LAPTM4B: variants seen among roughly 807,000 people sequenced by gnomAD.
The protein encoded by LAPTM4B is lysosomal protein transmembrane 4 beta.
Under a neutral mutation model 28.5 loss-of-function variants are expected in LAPTM4B, and 26 were observed. The ratio of observed to expected loss-of-function variants is 0.91; its 90% CI spans 0.67 to 1.27. LAPTM4B has a LOEUF of 1.27. Among genes scored for constraint, LAPTM4B ranks in the 50% most tolerant of loss-of-function variants. The probability of loss-of-function intolerance (pLI) is 0.00; values close to 1 mark genes in which losing one functional copy is unlikely to be tolerated. For missense variants in LAPTM4B, 288 were observed against 285.8 expected, an observed-to-expected ratio of 1.01 and a Z score of -0.06; for synonymous variants, 109 against 106.4, an observed-to-expected ratio of 1.02 and a Z score of -0.15.
intron 6 of LAPTM4B, among the ~76,000 whole-genome samples, chr8:97,847,741 C>T (rs143746729): frequency 5.3e-5 from 8 of 152,280 alleles, no homozygotes; most frequent in African/African-American, 1.9e-4. Flanking sequence ...GATGATGCTG[C>T]CCCTACAAGG....
chr8:97,839,124 A>C (rs1221046909), intron 6 of LAPTM4B, among the ~76,000 whole-genome samples: 3 of 152,198 alleles, frequency 2.0e-5, no homozygotes, highest in African/African-American at 4.8e-5. Context: ...GTTCAGGCTG[A>C]CAGTATGTGA....
intron 6 of LAPTM4B, among the ~76,000 whole-genome samples, chr8:97,850,129 C>T (rs1424674481): frequency 6.6e-6 from 1 of 151,892 alleles, no homozygotes; most frequent in Non-Finnish European, 1.5e-5. Context: ...ATCTTCTTAT[C>T]CATTAGTGCT....
At chr8:97,806,760 C>T (rs1806291083) in intron 2 of LAPTM4B, among the ~76,000 whole-genome samples, 1 of 152,110 alleles carries the variant, frequency 6.6e-6, no homozygotes, top group East Asian at 1.9e-4. Context: ...AGTTCGAGAC[C>T]AGCCTGGCCA....
chr8:97,816,316 CTTTTTTCT>C, intron 4 of LAPTM4B, 136 bp downstream of exon 4: 1 of 725,666 alleles, frequency 1.4e-6, no homozygotes. Flanking sequence ...TAGGAAATTT[CTTTTTTCT>C]TTTTTTTGAG....
chr8:97,818,967 C>T (rs367789878), intron 4 of LAPTM4B, among the ~76,000 whole-genome samples, 173 bp from the exon 5 acceptor site: 8 of 151,730 alleles, frequency 5.3e-5, no homozygotes, highest in Non-Finnish European at 1.0e-4. Flanking sequence ...CGATCACTGA[C>T]GTCTTTTATA....
chr8:97,812,502 C>T (rs1480302231), intron 2 of LAPTM4B, among the ~76,000 whole-genome samples: 2 of 152,084 alleles, frequency 1.3e-5, no homozygotes, highest in African/African-American at 4.8e-5. Context: ...CGACTGCGCC[C>T]GTCCTAAATG....
intron 6 of LAPTM4B, among the ~76,000 whole-genome samples, chr8:97,829,125 A>G (rs1304052744): frequency 6.6e-6 from 1 of 152,210 alleles, no homozygotes; most frequent in Non-Finnish European, 1.5e-5. Flanking sequence ...CTAGGGATCC[A>G]GCAAGGGTAG....
At chr8:97,794,854 C>G (rs934562276) in intron 1 of LAPTM4B, among the ~76,000 whole-genome samples, 1 of 152,174 alleles carries the variant, frequency 6.6e-6, no homozygotes, top group Non-Finnish European at 1.5e-5. Context: ...GCTGGGATTA[C>G]AGGCACCCGC....
chr8:97,790,730 C>T (rs1444263077), intron 1 of LAPTM4B, among the ~76,000 whole-genome samples: 1 of 152,114 alleles, frequency 6.6e-6, no homozygotes, highest in Non-Finnish European at 1.5e-5. Flanking sequence ...TGGGCGTGAG[C>T]CACTGCGCCC....
intron 6 of LAPTM4B, among the ~76,000 whole-genome samples, chr8:97,832,685 T>TGTTTC (rs1554592882): frequency 6.7e-6 from 1 of 148,198 alleles, no homozygotes; most frequent in South Asian, 2.1e-4. Context: ...ATTTTTATTT[T>TGTTTC]ATTTTATTTT....
At chr8:97,850,474 G>GTGTGTGTGTGTGTGTGTGTGTA (rs150321926) in intron 6 of LAPTM4B, among the ~76,000 whole-genome samples, 16,592 of 146,182 alleles carry the variant, frequency 0.11, 1,096 homozygotes, top group East Asian at 0.18. Context: ...GGGTGTGTGT[G>GTGTGTGTGTGTGTGTGTGTGTA]TGTGTGTGTG....
At chr8:97,814,859 A>G (rs923711431) in intron 2 of LAPTM4B, among the ~76,000 whole-genome samples, 1 of 152,032 alleles carries the variant, frequency 6.6e-6, no homozygotes, top group Admixed American at 6.6e-5. Context: ...ACGCCCGGCT[A>G]ATTTTTTGTA....
rs34138394 is a variant in LAPTM4B at position 97,801,843 on chromosome 8, CAAAAAA to C, written c.100-3497_100-3492del. ...TGGGCGACAGTGCGAAACTCCATCT[CAAAAAA>C]AAAAAAAAAAAAGTATAGAGGGATT... On this transcript the variant is annotated intron_variant, in intron 1 of 6. Coordinates refer to ENST00000521545, the MANE Select transcript of LAPTM4B (RefSeq NM_018407.6). Among the ~76,000 whole-genome samples, 7 of 131,370 alleles carry C rather than the reference CAAAAAA, an allele frequency of 5.3e-5. No homozygotes were observed. In the East Asian group the frequency reaches 6.6e-4, roughly 12 times the overall value. The allele number at this position is 131,370 out of a possible 152,430, so 86.2% of individuals were successfully genotyped here.
At position 97,799,911 on chromosome 8, in the gene LAPTM4B, A is replaced by G. The variant is rs145466035; in HGVS notation, c.100-5442A>G. ...TCCTTGTCTCAGTGGCATTGCTCAT[A>G]CTTGGAATTGTTCTTTTCCACACCT... is the stretch of plus-strand genomic sequence containing the variant. On this transcript the variant is annotated intron_variant, in intron 1 of 6. Coordinates refer to ENST00000521545, the MANE Select transcript of LAPTM4B (RefSeq NM_018407.6). 7.2e-5 allele frequency among the ~76,000 whole-genome samples: 11 copies of G among 152,144 alleles called. No homozygotes were observed. In the East Asian group the frequency reaches 2.1e-3, roughly 29 times the overall value.
chr8:97,834,158 A>AAAAAAAAAAAAAAAAAAAAAAAAAAAAT (rs1817226479), intron 6 of LAPTM4B, among the ~76,000 whole-genome samples: 2 of 150,000 alleles, frequency 1.3e-5, no homozygotes, highest in Admixed American at 6.6e-5. Flanking sequence ...AAAAAAAAAA[A>AAAAAAAAAAAAAAAAAAAAAAAAAAAAT]TCCAGGTGGC....
At chr8:97,787,812 A>G (rs4270931) in intron 1 of LAPTM4B, among the ~76,000 whole-genome samples, 6,193 of 152,150 alleles carry the variant, frequency 0.041, 158 homozygotes, top group Admixed American at 0.081. Flanking sequence ...TGTAACCACT[A>G]TAATTCTTAC....
chr8:97,818,465 C>T lies in LAPTM4B; in HGVS notation c.409-675C>T, dbSNP rs566925742. On this transcript the variant is annotated intron_variant, in intron 4 of 6. Transcript: ENST00000521545. ...GTGTGAGTGTTCTGTGGGGAAAGTC[C>T]GGCAACTCCCTCTAACCATAGTAGC... is the stretch of plus-strand genomic sequence containing the variant. Among the ~76,000 whole-genome samples, 118 of 152,240 alleles carry T rather than the reference C, an allele frequency of 7.8e-4. 1 individual carries two copies. In the South Asian group the frequency reaches 0.021, roughly 27 times the overall value.
chr8:97,805,514 A>G (rs1410230906), intron 2 of LAPTM4B, 50 bp downstream of exon 2: 4 of 952,944 alleles, frequency 4.2e-6, no homozygotes, highest in Non-Finnish European at 6.8e-6. Flanking sequence ...TCTGACTGCC[A>G]GCACTTCCTA....
Position 97,789,514 on chromosome 8 carries a change from A to G in LAPTM4B, c.99+13406A>G, listed in dbSNP as rs193118094. ...TAGGTGGAACCTGACATACCCTACCATACCTGGCTAATTTTTTTTTTTTTT... is the reference window on the plus strand; with the variant it reads ...TAGGTGGAACCTGACATACCCTACCGTACCTGGCTAATTTTTTTTTTTTTT... On this transcript the variant is annotated intron_variant, in intron 1 of 6. Transcript: ENST00000521545. 2.1e-3 allele frequency among the ~76,000 whole-genome samples: 308 copies of G among 147,444 alleles called. 1 individual carries two copies. The highest frequency in any genetic ancestry group is 7.3e-3 in the African/African-American group (289 of 39,662).
Sources: gnomAD v4.1 joint callset for allele counts (sites outside exome capture counted in the v4.1 genomes callset) on GRCh38, gnomAD v4.1.1 for gene constraint, MANE v1.5 for transcripts, NCBI Gene and HGNC (gene_info 2026-07-23, HGNC 2026-07-21) for gene names.